Variants in ZNF831 observed in about 807,000 individuals in gnomAD.
ZNF831 encodes the protein zinc finger protein 831, also known as chromosome 20 open reading frame 174.
A neutral mutation model predicts 95.8 loss-of-function variants in ZNF831; 59 were observed. The ratio of observed to expected loss-of-function variants is 0.62; its 90% CI spans 0.50 to 0.77. The LOEUF (loss-of-function observed/expected upper bound fraction) is 0.77, where lower values mean the gene tolerates loss of function less well. ZNF831 is among the 30% of genes least tolerant of loss of function. The probability of loss-of-function intolerance (pLI) is 0.00; values close to 1 mark genes in which losing one functional copy is unlikely to be tolerated. For missense variants in ZNF831, 2,205 were observed against 2,164.0 expected, an observed-to-expected ratio of 1.02 and a Z score of -0.38; for synonymous variants, 961 against 925.5, an observed-to-expected ratio of 1.04 and a Z score of -0.70.
intron 4 of ZNF831, among the ~76,000 whole-genome samples, chr20:59,249,335 C>T (rs1246747408): frequency 6.6e-6 from 1 of 152,122 alleles, no homozygotes; most frequent in African/African-American, 2.4e-5. Context: ...GGAATAGCCT[C>T]CTGTTAATTG....
chr20:59,183,074 C>G (rs1982745305), intron 1 of ZNF831, among the ~76,000 whole-genome samples: 1 of 152,144 alleles, frequency 6.6e-6, no homozygotes, highest in African/African-American at 2.4e-5. Context: ...GGCCATTTAC[C>G]AAGTGTGGGC....
At chr20:59,140,883 G>C (rs541964483) in intron 1 of ZNF831, among the ~76,000 whole-genome samples, 1 of 152,228 alleles carries the variant, frequency 6.6e-6, no homozygotes, top group African/African-American at 2.4e-5. Context: ...AGGGTCTTTT[G>C]CAGAGCAATA....
At chr20:59,172,462 G>A (rs916360221) in intron 1 of ZNF831, among the ~76,000 whole-genome samples, 5 of 152,130 alleles carry the variant, frequency 3.3e-5, no homozygotes, top group Non-Finnish European at 7.3e-5. Flanking sequence ...TCGGGGATGC[G>A]GATGCTCCCC....
chr20:59,143,024 A>C (rs1322406136), intron 1 of ZNF831, among the ~76,000 whole-genome samples: 1 of 152,138 alleles, frequency 6.6e-6, no homozygotes, highest in Non-Finnish European at 1.5e-5. Flanking sequence ...CACAGCCTCC[A>C]GAGTAGCTGG....
intron 1 of ZNF831, among the ~76,000 whole-genome samples, chr20:59,126,654 G>A (rs6015445): frequency 1.2e-4 from 18 of 152,166 alleles, no homozygotes; most frequent in Non-Finnish European, 2.4e-4. Flanking sequence ...CTTCCATGGC[G>A]CCCCGTTTCC....
chr20:59,193,343 C>A lies in ZNF831; in HGVS notation c.2324C>A (p.Ala775Asp). 1.9e-6 allele frequency: 3 copies of A among 1,612,036 alleles called. No homozygotes were observed. Among genetic ancestry groups the A allele is most frequent in the Middle Eastern group, 1.7e-4 (1 of 6,042 alleles). ...CCCCTCAAAGGGGGTGATGTAGAGG[C>A]TCCCAGGCCAGTTTGGCCGGACCCC... ...PGPLKGGDVE[A>D]PRPVWPDPKL... is the part of the protein sequence containing the mutation. The change falls in exon 2 of 6, where the codon GCT (alanine) becomes GAT (aspartate). Residue 775 changes from alanine to aspartate, a missense_variant. Coordinates refer to ENST00000371030, the MANE Select transcript of ZNF831 (RefSeq NM_178457.3).
intron 4 of ZNF831, among the ~76,000 whole-genome samples, chr20:59,226,019 C>T (rs1986405861): frequency 6.6e-6 from 1 of 152,162 alleles, no homozygotes; most frequent in Non-Finnish European, 1.5e-5. Context: ...ACATGGTGGC[C>T]TCATGGCCCT....
intron 1 of ZNF831, among the ~76,000 whole-genome samples, chr20:59,141,363 A>C (rs757490324): frequency 2.6e-5 from 4 of 152,032 alleles, no homozygotes; most frequent in Non-Finnish European, 4.4e-5. Flanking sequence ...TCTATGATCC[A>C]TTTTGAATTA....
chr20:59,154,319 C>T (rs1215715342), intron 2 of ZNF831, among the ~76,000 whole-genome samples: 1 of 152,156 alleles, frequency 6.6e-6, no homozygotes, highest in African/African-American at 2.4e-5. Context: ...TAGTAACCCA[C>T]GTAGAAGGTA....
intron 4 of ZNF831, among the ~76,000 whole-genome samples, chr20:59,216,296 C>G (rs1429318757): frequency 2.0e-5 from 3 of 152,188 alleles, no homozygotes; most frequent in Admixed American, 6.5e-5. Context: ...GAATTGACTG[C>G]AGAGGCCATG....
At chr20:59,209,500 C>G (rs259995) in intron 4 of ZNF831, among the ~76,000 whole-genome samples, 3,825 of 152,262 alleles carry the variant, frequency 0.025, 152 homozygotes, top group African/African-American at 0.081. Context: ...GAAGAGGGAA[C>G]ATGGGGAGTT....
chr20:59,234,171 A>T (rs1986882331), intron 4 of ZNF831, among the ~76,000 whole-genome samples: 1 of 152,228 alleles, frequency 6.6e-6, no homozygotes, highest in South Asian at 2.1e-4. Flanking sequence ...ACATGCTTTC[A>T]TGAGAGTTTC....
At chr20:59,177,517 C>G (rs572383381) in intron 1 of ZNF831, among the ~76,000 whole-genome samples, 3 of 152,182 alleles carry the variant, frequency 2.0e-5, no homozygotes, top group Non-Finnish European at 4.4e-5. Flanking sequence ...CATTCCACCA[C>G]TAGGTTCCCA....
chr20:59,223,302 C>G (rs962875260), intron 4 of ZNF831, among the ~76,000 whole-genome samples: 2 of 152,128 alleles, frequency 1.3e-5, no homozygotes, highest in African/African-American at 4.8e-5. Flanking sequence ...GGCTCCCAAT[C>G]GCTGCACGGT....
chr20:59,192,316 G>C lies in ZNF831; in HGVS notation c.1297G>C (p.Gly433Arg), dbSNP rs200797810. The C allele has an allele frequency of 1.3e-6, 2 of 1,595,552 alleles. No individual in the cohort carries two copies. Among genetic ancestry groups the C allele is most frequent in the Non-Finnish European group, 1.7e-6 (2 of 1,170,864 alleles). ...GGACAACGTGCGGCCCCGGAAGACC[G>C]GGCTGTCCAAACAGGGCAGCATCGA... ...QLDNVRPRKT[G>R]LSKQGSIDLP... is the part of the protein sequence containing the mutation. Residue 433 changes from glycine (G) to arginine (R), a missense_variant, in exon 2 of 6, where the codon GGG (glycine) becomes CGG (arginine). Gly to Arg is a moderately radical substitution (Grantham distance 125). Transcript: ENST00000371030. The surrounding 1 kb of genome is among the most constrained non-coding windows in gnomAD (Gnocchi z 5.2).
At chr20:59,224,647 T>C (rs1986318453) in intron 4 of ZNF831, among the ~76,000 whole-genome samples, 1 of 152,228 alleles carries the variant, frequency 6.6e-6, no homozygotes, top group East Asian at 1.9e-4. Context: ...TTCCTCTGAC[T>C]TTCGATTGTT....
intron 3 of ZNF831, among the ~76,000 whole-genome samples, chr20:59,201,675 T>C (rs1004975975): frequency 6.6e-6 from 1 of 152,222 alleles, no homozygotes; most frequent in African/African-American, 2.4e-5. Flanking sequence ...AAGTTCTTAT[T>C]TTTGTGTGTG....
At chr20:59,188,099 C>T (rs1469798709) in intron 1 of ZNF831, among the ~76,000 whole-genome samples, 1 of 152,238 alleles carries the variant, frequency 6.6e-6, no homozygotes, top group East Asian at 1.9e-4. Flanking sequence ...AATAAAGCTA[C>T]TGTGAACATG....
At chr20:59,224,890 T>C (rs1452168978) in intron 4 of ZNF831, among the ~76,000 whole-genome samples, 1 of 152,242 alleles carries the variant, frequency 6.6e-6, no homozygotes, top group Non-Finnish European at 1.5e-5. Context: ...TGGTTTTGTA[T>C]GTTTTAATAT....
Sources: gnomAD v4.1 joint callset for allele counts (sites outside exome capture counted in the v4.1 genomes callset) on GRCh38, gnomAD v4.1.1 for gene constraint, Gnocchi (gnomAD v3.1) non-coding constraint, MANE v1.5 for transcripts, NCBI Gene and HGNC (gene_info 2026-07-23, HGNC 2026-07-21) for gene names.